FRAS1: variants seen among roughly 807,000 people sequenced by gnomAD.
FRAS1 encodes the protein Fraser extracellular matrix complex subunit 1.
Under a neutral mutation model 435.2 loss-of-function variants are expected in FRAS1, and 290 were observed. The observed-to-expected ratio is 0.67, with a 90% CI of 0.61 to 0.73. FRAS1 has a LOEUF of 0.73. FRAS1 is among the 30% of genes least tolerant of loss of function. FRAS1 has a pLI of 0.00. For synonymous variants in FRAS1, 1,800 were observed against 1,851.0 expected (o/e 0.97, Z 0.71); for missense variants, 4,860 against 5,001.5 (o/e 0.97, Z 0.85).
rs554456740 is a variant in FRAS1, at chr4:78,266,881, C to G, written c.735C>G (p.Asp245Glu). The part of the protein sequence containing the change: ...SENACTTCIC[D>E]RGEVRCHKQA... ...ATGCCTGCACCACGTGTATATGTGACCGGGGTGAGGTCAGGTGTCACAAGC... is the reference window on the plus strand; with the variant it reads ...ATGCCTGCACCACGTGTATATGTGAGCGGGGTGAGGTCAGGTGTCACAAGC... Residue 245 changes from aspartate (D) to glutamate (E), a missense_variant, in exon 8 of 74, where the codon GAC becomes GAG. Transcript: ENST00000512123. 6.2e-7 allele frequency: 1 copy of G among 1,608,550 alleles called. No homozygotes were observed. The highest frequency in any genetic ancestry group is 1.1e-5 in the South Asian group (1 of 89,418).
chr4:78,445,378 T>C (rs1718770376), intron 41 of FRAS1, 144 bp from the exon 42 acceptor site: 4 of 1,085,450 alleles, frequency 3.7e-6, no homozygotes, highest in South Asian at 2.6e-5. Flanking sequence ...CAATTCCTGG[T>C]CTTGTGCTTA....
intron 27 of FRAS1, 65 bp from the exon 28 acceptor site, chr4:78,383,994 C>G (rs7694602): frequency 0.26 from 322,493 of 1,236,140 alleles, 43,516 homozygotes; most frequent in Admixed American, 0.34. Flanking sequence ...GTTTTTAAGC[C>G]TTTTCTGTGT....
rs532836673 is a variant in FRAS1, at chr4:78,522,280, A to G, written c.10649-369A>G. Among the ~76,000 whole-genome samples, 4 of 152,288 alleles carry G rather than the reference A, an allele frequency of 2.6e-5. No individual in the cohort carries two copies. In the South Asian group the frequency reaches 8.3e-4, roughly 32 times the overall value. ...TGATATTTCCATTTATAAACTACTGAGACCTTTCTACCTCCAAGAAACATG... is the reference window on the plus strand; with the variant it reads ...TGATATTTCCATTTATAAACTACTGGGACCTTTCTACCTCCAAGAAACATG... On this transcript the variant is annotated intron_variant, in intron 68 of 73. Coordinates refer to ENST00000512123, the MANE Select transcript of FRAS1 (RefSeq NM_025074.7).
intron 2 of FRAS1, among the ~76,000 whole-genome samples, chr4:78,126,329 G>C (rs867987241): frequency 2.6e-5 from 4 of 152,314 alleles, no homozygotes; most frequent in African/African-American, 9.6e-5. Context: ...GGCTAGGAAA[G>C]GGAAATCCCC....
intron 1 of FRAS1, among the ~76,000 whole-genome samples, chr4:78,065,070 A>C (rs1739944799): frequency 7.5e-6 from 1 of 132,634 alleles, no homozygotes; most frequent in Admixed American, 7.9e-5. Flanking sequence ...ATATATATAT[A>C]TATATATATA....
At position 78,191,178 on chromosome 4, in the gene FRAS1, G is replaced by A. The variant is rs1422695448; in HGVS notation, c.109-46332G>A. 2.6e-5 allele frequency among the ~76,000 whole-genome samples: 4 copies of A among 152,212 alleles called. No individual in the cohort carries two copies. The East Asian group carries it at 5.8e-4, about 22-fold the overall frequency. Reference sequence around the variant, plus strand: ...TTAAGCCACCCAGTCTACGTATATTGTTATAGCACCCTCAGCAAACTAAGA... The same window carrying A: ...TTAAGCCACCCAGTCTACGTATATTATTATAGCACCCTCAGCAAACTAAGA... On this transcript the variant is annotated intron_variant, in intron 2 of 73. Coordinates refer to ENST00000512123, the MANE Select transcript of FRAS1 (RefSeq NM_025074.7).
rs1294713728 is a variant in FRAS1 at position 78,452,260 on chromosome 4, G to C, written c.6669G>C (p.Leu2223=). ...NSVKKITTLQ[L]SATDQDSGPT... ...TGAAGAAAATCACCACCCTGCAGCT[G>C]TCTGCCACTGACCAGGACAGTGGGC... Residue 2223 remains leucine, a synonymous_variant, in exon 47 of 74, where the codon CTG becomes CTC. Transcript: ENST00000512123. 4.3e-6 allele frequency: 7 copies of C among 1,613,668 alleles called. No homozygotes were observed. The highest frequency in any genetic ancestry group is 5.1e-6 in the Non-Finnish European group (6 of 1,179,752).
chr4:78,428,387 A>G (rs1338145073), intron 35 of FRAS1, among the ~76,000 whole-genome samples: 2 of 152,140 alleles, frequency 1.3e-5, no homozygotes, highest in African/African-American at 4.8e-5. Flanking sequence ...CAGTGGTGCA[A>G]TCTCGGCTCA....
chr4:78,516,406 CCTGT>C (rs1184515465), intron 66 of FRAS1, among the ~76,000 whole-genome samples: 2 of 152,174 alleles, frequency 1.3e-5, no homozygotes, highest in African/African-American at 4.8e-5. Flanking sequence ...GATGATGCAG[CCTGT>C]CTTTCAGAAG....
intron 18 of FRAS1, 114 bp downstream of exon 18, chr4:78,319,100 A>T: frequency 9.4e-7 from 1 of 1,063,014 alleles, no homozygotes; most frequent in South Asian, 1.5e-5. Flanking sequence ...TGGTTCCTAG[A>T]TGCTTGTGAA....
intron 2 of FRAS1, among the ~76,000 whole-genome samples, chr4:78,157,731 A>G (rs1009470816): frequency 2.0e-5 from 3 of 152,154 alleles, no homozygotes; most frequent in Non-Finnish European, 4.4e-5. Flanking sequence ...TAGGATGTAT[A>G]GTTTGCAAAT....
intron 2 of FRAS1, among the ~76,000 whole-genome samples, chr4:78,118,103 C>T (rs1220649415): frequency 2.0e-5 from 3 of 152,206 alleles, no homozygotes; most frequent in Non-Finnish European, 1.5e-5. Flanking sequence ...CACTCCAGAC[C>T]CTCTTTGCCT....
At chr4:78,501,014 C>T (rs2867448) in intron 61 of FRAS1, among the ~76,000 whole-genome samples, 49,806 of 151,726 alleles carry the variant, frequency 0.33, 8,870 homozygotes, top group South Asian at 0.52. Flanking sequence ...ATGTGCGCAA[C>T]ATGCAGGTTT....
At chr4:78,373,966 C>T in intron 24 of FRAS1, 145 bp from the exon 25 acceptor site, 1 of 608,000 alleles carries the variant, frequency 1.6e-6, no homozygotes. Context: ...ACAACCAGAA[C>T]CCAGACTCCT....
intron 17 of FRAS1, 76 bp from the exon 18 acceptor site, chr4:78,318,734 G>C (rs1001607976): frequency 7.2e-7 from 1 of 1,397,794 alleles, no homozygotes; most frequent in Non-Finnish European, 9.6e-7. Flanking sequence ...TTTTCTAAGT[G>C]GGTTTGATTT....
intron 5 of FRAS1, among the ~76,000 whole-genome samples, chr4:78,254,876 A>C (rs1200646004): frequency 6.6e-6 from 1 of 152,164 alleles, no homozygotes; most frequent in Non-Finnish European, 1.5e-5. Flanking sequence ...ATACCCTCAC[A>C]GACACCCCAG....
intron 4 of FRAS1, among the ~76,000 whole-genome samples, chr4:78,247,907 T>A (rs1725322164): frequency 6.6e-6 from 1 of 152,080 alleles, no homozygotes; most frequent in Non-Finnish European, 1.5e-5. Flanking sequence ...ATAGATTCGG[T>A]GTGGCAGGAG....
chr4:78,469,971 C>A lies in FRAS1; in HGVS notation c.7258-7C>A. 1 of 1,605,348 alleles carries A rather than the reference C, an allele frequency of 6.2e-7. No individual in the cohort carries two copies. The highest frequency in any genetic ancestry group is 1.1e-5 in the South Asian group (1 of 90,586). On this transcript the variant is annotated splice_polypyrimidine_tract_variant and splice_region_variant and intron_variant, in intron 50 of 73. Coordinates refer to ENST00000512123, the MANE Select transcript of FRAS1 (RefSeq NM_025074.7). ...TGATGAGTTTTCTTTTCTGCCCTCC[C>A]CTTCAGATTATGACAGCAGCACCTC... is the stretch of plus-strand genomic sequence containing the variant.
rs746211243 is a variant in FRAS1 at position 78,436,821 on chromosome 4, A to G, written c.5218-1749A>G. ...TTTTAAAAATTCAAGAAAATAAGAAACAAGATTTAGGGTGATGGGAGGCCC... is the reference window on the plus strand; with the variant it reads ...TTTTAAAAATTCAAGAAAATAAGAAGCAAGATTTAGGGTGATGGGAGGCCC... On this transcript the variant is annotated intron_variant, in intron 38 of 73. Coordinates refer to ENST00000512123, the MANE Select transcript of FRAS1 (RefSeq NM_025074.7). 3.4e-4 allele frequency among the ~76,000 whole-genome samples: 52 copies of G among 152,196 alleles called. 1 individual carries two copies. Among genetic ancestry groups the G allele is most frequent in the Admixed American group, 1.9e-3 (29 of 15,266 alleles).
Sources: gnomAD v4.1 joint callset for allele counts (sites outside exome capture counted in the v4.1 genomes callset) on GRCh38, gnomAD v4.1.1 for gene constraint, MANE v1.5 for transcripts, NCBI Gene and HGNC (gene_info 2026-07-23, HGNC 2026-07-21) for gene names.